The following UNKL variants were observed in gnomAD, a reference collection of about 807,000 sequenced individuals.
UNKL encodes the protein unk like zinc finger, also known as putative E3 ubiquitin-protein ligase UNKL.
UNKL carries 60 observed loss-of-function variants against 78.0 expected under a neutral mutation model. The observed-to-expected ratio is 0.77, with a 90% confidence interval of 0.63 to 0.95. The LOEUF is 0.95. UNKL is among the 40% of genes least tolerant of loss of function. The pLI, the probability that UNKL is intolerant of heterozygous loss-of-function variation, is 0.00. For missense variants in UNKL, 1,159 were observed against 1,045.7 expected (o/e 1.11, Z -1.49); for synonymous variants, 608 against 474.8 (o/e 1.28, Z -3.65).
chr16:1,366,499 C>T (rs1392060345), intron 14 of UNKL, 104 bp from the exon 15 acceptor site: 5 of 1,366,044 alleles, frequency 3.7e-6, no homozygotes, highest in Middle Eastern at 2.7e-4. Context: ...TCAGGCCGCC[C>T]GGCCACCAGC....
In UNKL at chr16:1,397,934, G is replaced by A. The variant is rs1453493366; in HGVS notation, c.735-639C>T. Among the ~76,000 whole-genome samples, 6 of 152,246 alleles carry A rather than the reference G, an allele frequency of 3.9e-5. No homozygotes were observed. The East Asian group carries it at 1.2e-3, about 29-fold the overall frequency. On this transcript the variant is annotated intron_variant, in intron 5 of 14. Transcript: ENST00000389221. ...ATGGGGCCCTGGAGTGACAGGCAAC[G>A]CAGCTCTGCGCTCACGGACACGCAG...
At chr16:1,413,714 G>A (rs942819906) in intron 2 of UNKL, 132 bp downstream of exon 2, 33 of 1,021,610 alleles carry the variant, frequency 3.2e-5, no homozygotes, top group Non-Finnish European at 4.3e-5. Flanking sequence ...GAAAATTTCA[G>A]CGTATAATTA....
At chr16:1,385,498 C>G in intron 9 of UNKL, 113 bp from the exon 10 acceptor site, 1 of 1,135,522 alleles carries the variant, frequency 8.8e-7, no homozygotes, top group African/African-American at 1.6e-5. Flanking sequence ...TACGCCCTGG[C>G]GAGGCCCAGG....
chr16:1,370,404 G>A, intron 11 of UNKL, 47 bp from the exon 12 acceptor site: 1 of 1,521,334 alleles, frequency 6.6e-7, no homozygotes, highest in Non-Finnish European at 8.8e-7. Flanking sequence ...CCAGGCCTCT[G>A]CCCAAACATC....
rs146794953 is a variant in UNKL, at chr16:1,401,850, C to T, written c.465-149G>A. On this transcript the variant is annotated intron_variant, in intron 3 of 14. Transcript: ENST00000389221. ...GACGGAGTCTCAGTGTGTGGCGCTC[C>T]GCTGTCCTGGCCCGCAGTCCTCATC... is the stretch of plus-strand genomic sequence containing the variant. The T allele has an allele frequency of 1.8e-3, 2,026 of 1,121,238 alleles. 9 individuals are homozygous for T. The highest frequency in any genetic ancestry group is 2.9e-3 in the Admixed American group (98 of 33,484). 69.5% of individuals were successfully genotyped at this position (1,121,238 alleles called of 1,614,324 possible).
intron 10 of UNKL, among the ~76,000 whole-genome samples, chr16:1,372,912 G>A (rs372536650): frequency 0.013 from 951 of 75,564 alleles, 156 homozygotes; most frequent in African/African-American, 0.046. Context: ...GGCCAACACC[G>A]CACAGAGACC....
At chr16:1,407,210 AC>A (rs2037806460) in intron 2 of UNKL, 1 of 152,052 alleles carries the variant, frequency 6.6e-6, no homozygotes, top group South Asian at 2.1e-4. Context: ...ACAAGCAGCA[AC>A]AGTTAATCTT....
In UNKL at chr16:1,413,987, G is replaced by A; in HGVS notation, c.146C>T (p.Pro49Leu). ...FSQHKCAQHR[P>L]FTCFHWHFLN... ...GAAGTGCCAGTGGAAGCAGGTGAAC[G>A]GCCGGTGCTGCGCGCACTTGTGCTG... The change falls in exon 2 of 15, where the codon CCG becomes CTG. Residue 49 changes from proline (P) to leucine (L), a missense_variant. Transcript: ENST00000389221. 6.4e-7 allele frequency: 1 copy of A among 1,552,096 alleles called. No homozygotes were observed. Among genetic ancestry groups the A allele is most frequent in the Non-Finnish European group, 8.7e-7 (1 of 1,147,618 alleles).
chr16:1,383,311 C>T (rs1047618531), intron 10 of UNKL, among the ~76,000 whole-genome samples: 4 of 151,360 alleles, frequency 2.6e-5, no homozygotes, highest in Admixed American at 6.6e-5. Context: ...AAAACAAAAC[C>T]CACACACACA....
At chr16:1,393,797 T>A (rs1369904408) in intron 7 of UNKL, among the ~76,000 whole-genome samples, 1 of 152,174 alleles carries the variant, frequency 6.6e-6, no homozygotes, top group East Asian at 1.9e-4. Context: ...AGGACCCAGC[T>A]TGGATGCCCA....
chr16:1,412,805 C>T (rs116984038), intron 2 of UNKL, among the ~76,000 whole-genome samples: 1,924 of 152,268 alleles, frequency 0.013, 19 homozygotes, highest in South Asian at 0.03. Flanking sequence ...TGCCTGGAAT[C>T]CCAGTACTTT....
intron 10 of UNKL, chr16:1,384,081 C>T: frequency 5.3e-6 from 1 of 188,542 alleles, no homozygotes; most frequent in South Asian, 9.5e-5. Context: ...CTGTCACTGT[C>T]AGGACAGAGA....
chr16:1,368,237 G>A (rs2035471554), intron 12 of UNKL: 1 of 308,168 alleles, frequency 3.2e-6, no homozygotes, highest in African/African-American at 2.2e-5. Flanking sequence ...ACCCCACAGA[G>A]CTGTGTCCAT....
At chr16:1,380,884 A>G (rs1413663696) in intron 10 of UNKL, among the ~76,000 whole-genome samples, 1 of 152,102 alleles carries the variant, frequency 6.6e-6, no homozygotes, top group African/African-American at 2.4e-5. Flanking sequence ...CATGTTGGTC[A>G]GGCTAGTCTT....
intron 11 of UNKL, 58 bp from the exon 12 acceptor site, chr16:1,370,415 T>C: frequency 5.5e-6 from 8 of 1,462,732 alleles, no homozygotes; most frequent in Non-Finnish European, 6.3e-6. Context: ...CCCAAACATC[T>C]GCCATGGGCG....
In UNKL at chr16:1,367,818, G is replaced by C. The variant is rs374753897; in HGVS notation, c.1626C>G (p.Ser542=). The C allele has an allele frequency of 1.5e-5, 24 of 1,575,262 alleles. No individual in the cohort carries two copies. The highest frequency in any genetic ancestry group is 1.9e-5 in the Non-Finnish European group (22 of 1,161,564). The change falls in exon 13 of 15, where the codon TCC becomes TCG. Residue 542 remains serine (S), a synonymous_variant. Coordinates refer to ENST00000389221, the MANE Select transcript of UNKL (RefSeq NM_001372107.1). ...GVPGSIWDFV[S]GSFSPSPSPI... ...GGGAGGGGCTGGGGGAGAAGCTGCC[G>C]GAAACAAAGTCCCAGATGCTCCCGG...
intron 12 of UNKL, among the ~76,000 whole-genome samples, chr16:1,369,439 A>G (rs145724282): frequency 0.014 from 2,051 of 150,744 alleles, 165 homozygotes; most frequent in Admixed American, 0.12. Context: ...GCACAATCTC[A>G]GCTCACTGCA....
chr16:1,375,341 T>C (rs1319947612), intron 10 of UNKL, among the ~76,000 whole-genome samples: 1 of 151,904 alleles, frequency 6.6e-6, no homozygotes, highest in African/African-American at 2.4e-5. Flanking sequence ...GAGTGGACGG[T>C]GGACTCCAGA....
At chr16:1,377,031 C>A (rs556147675) in intron 10 of UNKL, among the ~76,000 whole-genome samples, 4 of 151,950 alleles carry the variant, frequency 2.6e-5, no homozygotes, top group Middle Eastern at 3.2e-3. Context: ...CACACCCAGC[C>A]CCCCCAACCG....
Sources: gnomAD v4.1 joint callset for allele counts (sites outside exome capture counted in the v4.1 genomes callset) on GRCh38, gnomAD v4.1.1 for gene constraint, MANE v1.5 for transcripts, NCBI Gene and HGNC (gene_info 2026-07-23, HGNC 2026-07-21) for gene names.